The following ADAM28 variants were observed in gnomAD, a reference collection of about 807,000 sequenced individuals.
ADAM28 encodes ADAM metallopeptidase domain 28, also known as disintegrin and metalloproteinase domain-containing protein 28.
In ADAM28, 105 loss-of-function variants were observed where a neutral mutation model predicts 101.2. The ratio of observed to expected loss-of-function variants is 1.04; its 90% confidence interval spans 0.89 to 1.22. The LOEUF is 1.22. Ranked by LOEUF, ADAM28 falls within the 50% of genes most tolerant of loss-of-function variation. The probability of loss-of-function intolerance (pLI) is 0.00; values close to 1 mark genes in which losing one functional copy is unlikely to be tolerated. For missense variants in ADAM28, 1,028 were observed against 945.4 expected, an observed-to-expected ratio of 1.09 and a Z score of -1.15; for synonymous variants, 322 against 310.6, an observed-to-expected ratio of 1.04 and a Z score of -0.39.
intron 11 of ADAM28, 22 bp from the exon 12 acceptor site, chr8:24,331,128 T>TTTTC (rs1271790688): frequency 5.0e-6 from 8 of 1,592,466 alleles, no homozygotes; most frequent in Non-Finnish European, 6.8e-6. Flanking sequence ...ATATTCCAGT[T>TTTTC]TTTCTTTCCT....
chr8:24,338,907 C>A (rs1245633987), intron 14 of ADAM28, among the ~76,000 whole-genome samples: 3 of 151,908 alleles, frequency 2.0e-5, no homozygotes, highest in Admixed American at 6.6e-5. Flanking sequence ...AGTGGCTCAC[C>A]TATATTAAGT....
chr8:24,324,459 G>T (rs140899267), intron 9 of ADAM28, among the ~76,000 whole-genome samples: 1 of 152,076 alleles, frequency 6.6e-6, no homozygotes, highest in East Asian at 1.9e-4. Flanking sequence ...TGAGACTGGA[G>T]CATGTGCCTC....
chr8:24,310,063 AC>A, intron 3 of ADAM28, 93 bp downstream of exon 3: 2 of 1,502,882 alleles, frequency 1.3e-6, no homozygotes, highest in Non-Finnish European at 1.8e-6. Context: ...GCTCACACAA[AC>A]CTGGACTAAT....
chr8:24,354,550 A>AAGAG lies in ADAM28; in HGVS notation c.*148_*151dup. The AAGAG allele has an allele frequency of 1.1e-6, 1 of 933,856 alleles. No individual in the cohort carries two copies. The highest frequency in any genetic ancestry group is 1.5e-6 in the Non-Finnish European group (1 of 659,292). The allele number at this position is 933,856 out of a possible 1,614,324, so 57.8% of individuals were successfully genotyped here. ...ATTTTCTGATTCATGTTAGACTTTG[A>AAGAG]AGAGACTAAAGAAAATTTTCAAGAG... On this transcript the variant is annotated 3_prime_UTR_variant, in exon 23 of 23. Transcript: ENST00000265769.
chr8:24,319,927 G>A (rs1296564103), intron 6 of ADAM28, among the ~76,000 whole-genome samples: 1 of 151,928 alleles, frequency 6.6e-6, no homozygotes, highest in Non-Finnish European at 1.5e-5. Flanking sequence ...TGTCAGGATG[G>A]TGAAGAAGTC....
chr8:24,310,149 G>A lies in ADAM28; in HGVS notation c.228-14G>A. 6.2e-7 allele frequency: 1 copy of A among 1,612,334 alleles called. No homozygotes were observed. Among genetic ancestry groups the A allele is most frequent in the Non-Finnish European group, 8.5e-7 (1 of 1,178,958 alleles). On this transcript the variant is annotated splice_polypyrimidine_tract_variant and intron_variant, in intron 3 of 22. Coordinates refer to ENST00000265769, the MANE Select transcript of ADAM28 (RefSeq NM_014265.6). ...GCACAAGTAACCACAACATTTTTGT[G>A]TTTCTTTCTCCAGGAACCTCCTTGC...
intron 6 of ADAM28, among the ~76,000 whole-genome samples, chr8:24,314,219 G>T (rs1314316157): frequency 6.6e-6 from 1 of 152,078 alleles, no homozygotes; most frequent in East Asian, 1.9e-4. Context: ...TAGCCAAAAA[G>T]CTATGAAGTG....
At chr8:24,352,078 C>T (rs370478799) in intron 21 of ADAM28, 26 bp downstream of exon 21, 3 of 1,601,536 alleles carry the variant, frequency 1.9e-6, no homozygotes, top group South Asian at 1.1e-5. Flanking sequence ...CTCTTAAATA[C>T]CACCCTAGTT....
At chr8:24,331,819 A>G (rs1813404424) in intron 12 of ADAM28, among the ~76,000 whole-genome samples, 1 of 151,914 alleles carries the variant, frequency 6.6e-6, no homozygotes, top group South Asian at 2.1e-4. Context: ...CTGCTTTGGG[A>G]CTCGGGAGTT....
Position 24,327,236 on chromosome 8 carries a change from C to T in ADAM28, c.972+601C>T, listed in dbSNP as rs190999616. ...TCAATGTGCAAAAATCACAAGCATT[C>T]GTATACACCAATAACAGACAGAGAG... On this transcript the variant is annotated intron_variant, in intron 10 of 22. Transcript: ENST00000265769. 2.5e-4 allele frequency among the ~76,000 whole-genome samples: 38 copies of T among 152,128 alleles called. No homozygotes were observed. In the East Asian group the frequency reaches 5.8e-3, roughly 23 times the overall value.
At chr8:24,348,042 G>A (rs532607954) in intron 18 of ADAM28, among the ~76,000 whole-genome samples, 1 of 151,894 alleles carries the variant, frequency 6.6e-6, no homozygotes, top group Non-Finnish European at 1.5e-5. Context: ...TGATGTACTT[G>A]GGTATAAATC....
intron 6 of ADAM28, among the ~76,000 whole-genome samples, chr8:24,319,816 G>A (rs966613154): frequency 6.6e-6 from 1 of 151,844 alleles, no homozygotes; most frequent in African/African-American, 2.4e-5. Context: ...AACGGAGCAT[G>A]TATTTCACCA....
intron 10 of ADAM28, among the ~76,000 whole-genome samples, chr8:24,327,668 G>T (rs1347439547): frequency 1.3e-5 from 2 of 152,056 alleles, no homozygotes; most frequent in African/African-American, 2.4e-5. Context: ...AAAACAGCAG[G>T]GTACTGGGAC....
chr8:24,323,913 C>A lies in ADAM28; in HGVS notation c.800C>A (p.Pro267Gln). 2 of 1,612,226 alleles carry A rather than the reference C, an allele frequency of 1.2e-6. No individual in the cohort carries two copies. The highest frequency in any genetic ancestry group is 1.7e-6 in the Non-Finnish European group (2 of 1,178,832). Residue 267 changes from proline to glutamine, a missense_variant, in exon 9 of 23, where the codon CCA becomes CAA. Physicochemically the swap from Pro to Gln is moderately conservative, Grantham distance 76. Transcript: ENST00000265769. Reference protein sequence around the residue: ...WTDKDKIKITPNASFTLENFS... With the variant: ...WTDKDKIKITQNASFTLENFS... ...GACAAGGATAAGATAAAGATAACCC[C>A]AAATGCAAGCTTCACCTTGGAGAAT...
At position 24,341,691 on chromosome 8, in the gene ADAM28, T is replaced by A; in HGVS notation, c.1764T>A (p.Phe588Leu). 2 of 1,613,950 alleles carry A rather than the reference T, an allele frequency of 1.2e-6. No homozygotes were observed. The highest frequency in any genetic ancestry group is 1.7e-6 in the Non-Finnish European group (2 of 1,179,860). ...TGACTTTCCTGACATGTAAAACATTTGATCCTGAAGACACAAGTCAAGAAA... is the reference window on the plus strand; with the variant it reads ...TGACTTTCCTGACATGTAAAACATTAGATCCTGAAGACACAAGTCAAGAAA... ...RIVTFLTCKT[F>L]DPEDTSQEIG... The change falls in exon 16 of 23, where the codon TTT becomes TTA. Residue 588 changes from phenylalanine (F) to leucine (L), a missense_variant. Transcript: ENST00000265769.
In ADAM28 at chr8:24,355,484, G is replaced by A. The variant is rs1245458136; in HGVS notation, c.*1080G>A. 1.3e-5 allele frequency: 2 copies of A among 151,138 alleles called. No homozygotes were observed. Among genetic ancestry groups the A allele is most frequent in the African/African-American group, 2.4e-5 (1 of 41,166 alleles). 9.4% of individuals were successfully genotyped at this position (151,138 alleles called of 1,614,324 possible). Reference sequence around the variant, plus strand: ...ACCTCATTTTTCCTTGCTAGTGGTCGACTTGGAGATGATTTTATAATCCTC... The same window carrying A: ...ACCTCATTTTTCCTTGCTAGTGGTCAACTTGGAGATGATTTTATAATCCTC... On this transcript the variant is annotated 3_prime_UTR_variant, in exon 23 of 23. Coordinates refer to ENST00000265769, the MANE Select transcript of ADAM28 (RefSeq NM_014265.6).
chr8:24,357,922 C>T lies in ADAM28; in HGVS notation c.*3518C>T, dbSNP rs1816785117. 1 of 151,990 alleles carries T rather than the reference C, an allele frequency of 6.6e-6. No individual in the cohort carries two copies. Among genetic ancestry groups the T allele is most frequent in the African/African-American group, 2.4e-5 (1 of 41,400 alleles). 9.4% of individuals were successfully genotyped at this position (151,990 alleles called of 1,614,324 possible). A position where few individuals can be genotyped will look rare whatever the true frequency, so the allele number is the denominator to read the frequency against. On this transcript the variant is annotated 3_prime_UTR_variant, in exon 23 of 23. Coordinates refer to ENST00000265769, the MANE Select transcript of ADAM28 (RefSeq NM_014265.6). Reference sequence around the variant, plus strand: ...ATTTTGGATAACTCCTTAAATTTATCTTCCAAATTACTGGTTTTTATATTC... The same window carrying T: ...ATTTTGGATAACTCCTTAAATTTATTTTCCAAATTACTGGTTTTTATATTC...
At chr8:24,326,760 G>C (rs1453653918) in intron 10 of ADAM28, 125 bp downstream of exon 10, 1 of 827,578 alleles carries the variant, frequency 1.2e-6, no homozygotes, top group Non-Finnish European at 1.8e-6. Flanking sequence ...AACACTGATT[G>C]AATTTCAAAT....
intron 18 of ADAM28, among the ~76,000 whole-genome samples, chr8:24,345,751 T>C (rs76830013): frequency 0.014 from 2,204 of 152,238 alleles, 58 homozygotes; most frequent in African/African-American, 0.05. Context: ...GAATTAATTC[T>C]GATAAGCACT....
Sources: allele counts gnomAD v4.1 joint callset (sites outside exome capture counted in the v4.1 genomes callset), GRCh38; gene constraint gnomAD v4.1.1; transcripts MANE v1.5; gene names NCBI Gene and HGNC (gene_info 2026-07-23, HGNC 2026-07-21).